EGFR: variants seen among roughly 807,000 people sequenced by gnomAD.
EGFR encodes the protein epidermal growth factor receptor, also known as avian erythroblastic leukemia viral (v-erb-b) oncogene homolog.
In EGFR, 58 loss-of-function variants were observed where a neutral mutation model predicts 143.0. That is an observed-to-expected ratio of 0.41 (90% confidence interval 0.33 to 0.50). The LOEUF is 0.50. Among genes scored for constraint, EGFR ranks in the 20% least tolerant of loss-of-function variants. The pLI, the probability that EGFR is intolerant of heterozygous loss-of-function variation, is 0.39. For missense variants in EGFR, 1,307 were observed against 1,579.0 expected (o/e 0.83, Z 2.92); for synonymous variants, 613 against 594.4 (o/e 1.03, Z -0.45).
chr7:55,132,266 A>G (rs561917236), intron 1 of EGFR, among the ~76,000 whole-genome samples: 28 of 152,254 alleles, frequency 1.8e-4, no homozygotes, highest in Non-Finnish European at 3.7e-4. Flanking sequence ...CTCTGCAGAT[A>G]AACATTTGCA....
At position 55,174,752 on chromosome 7, in the gene EGFR, A is replaced by G. The variant is rs2128954633; in HGVS notation, c.2215A>G (p.Lys739Glu). 6.2e-7 allele frequency: 1 copy of G among 1,614,056 alleles called. No homozygotes were observed. Among genetic ancestry groups the G allele is most frequent in the African/African-American group, 1.3e-5 (1 of 75,048 alleles). Reference sequence around the variant, plus strand: ...CTGGATCCCAGAAGGTGAGAAAGTTAAAATTCCCGTCGCTATCAAGGAATT... The same window carrying G: ...CTGGATCCCAGAAGGTGAGAAAGTTGAAATTCCCGTCGCTATCAAGGAATT... ...GLWIPEGEKV[K>E]IPVAIKELRE... Residue 739 changes from lysine (K) to glutamate (E), a missense_variant, in exon 19 of 28, where the codon AAA becomes GAA. Transcript: ENST00000275493.
intron 1 of EGFR, among the ~76,000 whole-genome samples, chr7:55,025,470 G>A (rs1295755386): frequency 6.6e-6 from 1 of 152,106 alleles, no homozygotes; most frequent in Non-Finnish European, 1.5e-5. Context: ...CAATGGGACT[G>A]CAGGGAAGGG....
At chr7:55,043,428 A>G (rs1215989250) in intron 1 of EGFR, among the ~76,000 whole-genome samples, 1 of 152,104 alleles carries the variant, frequency 6.6e-6, no homozygotes, top group Non-Finnish European at 1.5e-5. Flanking sequence ...GTGTGATCTC[A>G]GCTCACTGCA....
At chr7:55,170,309 C>A (rs2128950416) in intron 15 of EGFR, 2 of 1,614,134 alleles carry the variant, frequency 1.2e-6, no homozygotes, top group Non-Finnish European at 1.7e-6. Flanking sequence ...TTCTCCAGGC[C>A]AGGAAATGAG....
At chr7:55,205,079 G>A (rs1788056189) in intron 27 of EGFR, among the ~76,000 whole-genome samples, 177 bp from the exon 28 acceptor site, 2 of 152,150 alleles carry the variant, frequency 1.3e-5, no homozygotes, top group Non-Finnish European at 2.9e-5. Context: ...ATTACTTTGA[G>A]AAGGACAGGA....
chr7:55,168,080 A>T (rs1786158274), intron 15 of EGFR, among the ~76,000 whole-genome samples: 1 of 152,224 alleles, frequency 6.6e-6, no homozygotes, highest in African/African-American at 2.4e-5. Context: ...GGAACAATGT[A>T]AGATTCTTCA....
intron 1 of EGFR, among the ~76,000 whole-genome samples, chr7:55,064,255 T>G (rs1192925584): frequency 1.3e-5 from 2 of 152,246 alleles, no homozygotes; most frequent in Non-Finnish European, 2.9e-5. Flanking sequence ...AGATGTAATT[T>G]TAATTCATAA....
chr7:55,191,925 G>T (rs770189705), intron 21 of EGFR, 51 bp downstream of exon 21: 2 of 1,609,194 alleles, frequency 1.2e-6, no homozygotes, highest in South Asian at 2.2e-5. Context: ...CCAGGGACCA[G>T]GCTGCCTTCC....
intron 1 of EGFR, among the ~76,000 whole-genome samples, chr7:55,129,278 T>C (rs1386868122): frequency 1.3e-5 from 2 of 152,162 alleles, no homozygotes; most frequent in Admixed American, 6.5e-5. Flanking sequence ...CCAGGAGGGC[T>C]GTGGAGGCGG....
At chr7:55,123,833 G>T (rs918242411) in intron 1 of EGFR, among the ~76,000 whole-genome samples, 1 of 152,154 alleles carries the variant, frequency 6.6e-6, no homozygotes, top group Non-Finnish European at 1.5e-5. Context: ...ATCTCTGTGT[G>T]TGTGTGCATG....
Position 55,205,898 on chromosome 7 carries a change from GA to G in EGFR, c.*294del, listed in dbSNP as rs5884404. The G allele has an allele frequency of 0.042, 15,250 of 365,090 alleles. 33 individuals are homozygous for G. Among genetic ancestry groups the G allele is most frequent in the Middle Eastern group, 0.048 (61 of 1,262 alleles). 22.6% of individuals were successfully genotyped at this position (365,090 alleles called of 1,614,324 possible). ...ATTTATCTTTCAAAGAGGTATATTTGAAAAAAAAAAAAAGTATATGTGAGGA... is the reference window on the plus strand; with the variant it reads ...ATTTATCTTTCAAAGAGGTATATTTGAAAAAAAAAAAAGTATATGTGAGGA... On this transcript the variant is annotated 3_prime_UTR_variant, in exon 28 of 28. Coordinates refer to ENST00000275493, the MANE Select transcript of EGFR (RefSeq NM_005228.5).
intron 1 of EGFR, among the ~76,000 whole-genome samples, chr7:55,103,595 G>T (rs1169616811): frequency 1.3e-5 from 2 of 152,230 alleles, no homozygotes; most frequent in Non-Finnish European, 2.9e-5. Flanking sequence ...GAAGGGTAAT[G>T]CTTAGGGAGG....
chr7:55,130,825 A>T (rs1482333032), intron 1 of EGFR, among the ~76,000 whole-genome samples: 1 of 152,214 alleles, frequency 6.6e-6, no homozygotes, highest in African/African-American at 2.4e-5. Context: ...GCTAGACACA[A>T]GGCCAGCTGC....
In EGFR at chr7:55,193,030, G is replaced by A. The variant is rs536710904; in HGVS notation, c.2701+189G>A. Among the ~76,000 whole-genome samples the A allele has an allele frequency of 5.6e-4, 85 of 151,888 alleles. 2 individuals are homozygous for A. In the South Asian group the frequency reaches 9.8e-3, roughly 18 times the overall value. On this transcript the variant is annotated intron_variant, in intron 22 of 27. Transcript: ENST00000275493. ...GCAGAGGAAATCGAGTCCAGCTGCCGTCCAAAAGTCACTGGAGATTGCAAT... is the reference window on the plus strand; with the variant it reads ...GCAGAGGAAATCGAGTCCAGCTGCCATCCAAAAGTCACTGGAGATTGCAAT...
intron 1 of EGFR, among the ~76,000 whole-genome samples, chr7:55,124,969 G>A (rs192774416): frequency 4.6e-5 from 7 of 152,332 alleles, no homozygotes; most frequent in African/African-American, 1.4e-4. Flanking sequence ...CATCTCCCTG[G>A]TGCACTGTTT....
intron 1 of EGFR, among the ~76,000 whole-genome samples, chr7:55,104,708 C>G (rs1388855462): frequency 6.6e-6 from 1 of 152,226 alleles, no homozygotes; most frequent in Non-Finnish European, 1.5e-5. Context: ...CTCTTCCCCT[C>G]TCTCCCAACC....
intron 22 of EGFR, among the ~76,000 whole-genome samples, chr7:55,195,145 T>C (rs1210218843): frequency 6.6e-6 from 1 of 152,280 alleles, no homozygotes; most frequent in Non-Finnish European, 1.5e-5. Context: ...GTAGTTAAAC[T>C]GACTGCATAG....
intron 1 of EGFR, among the ~76,000 whole-genome samples, chr7:55,078,073 G>C (rs1790233069): frequency 1.3e-5 from 2 of 152,202 alleles, no homozygotes; most frequent in African/African-American, 4.8e-5. Flanking sequence ...CGAGTCAAAG[G>C]GAAGAAGAAG....
At chr7:55,198,971 T>G in intron 23 of EGFR, 108 bp downstream of exon 23, 1 of 1,422,448 alleles carries the variant, frequency 7.0e-7, no homozygotes. Context: ...TCACATTACT[T>G]AAGGCAGGCA....
Sources: gnomAD v4.1 joint callset for allele counts (sites outside exome capture counted in the v4.1 genomes callset) on GRCh38, gnomAD v4.1.1 for gene constraint, MANE v1.5 for transcripts, NCBI Gene and HGNC (gene_info 2026-07-23, HGNC 2026-07-21) for gene names.